PCDHGA8: variants seen among roughly 807,000 people sequenced by gnomAD.
The protein encoded by PCDHGA8 is protocadherin gamma subfamily A, 8, also known as protocadherin gamma-A8.
In PCDHGA8, 45 loss-of-function variants were observed where a neutral mutation model predicts 59.2. The ratio of observed to expected loss-of-function variants is 0.76; its 90% CI spans 0.60 to 0.98. PCDHGA8 has a LOEUF of 0.98. Ranked by LOEUF, PCDHGA8 falls within the 50% of genes least tolerant of loss-of-function variation. The pLI, the probability that PCDHGA8 is intolerant of heterozygous loss-of-function variation, is 0.00. For synonymous variants in PCDHGA8, 531 were observed against 519.0 expected (o/e 1.02, Z -0.32); for missense variants, 1,257 against 1,196.2 (o/e 1.05, Z -0.75).
At chr5:141,398,425 C>G (rs2093656331) in intron 1 of PCDHGA8, 2 of 1,519,432 alleles carry the variant, frequency 1.3e-6, no homozygotes, top group East Asian at 2.3e-5. Flanking sequence ...CGGGAAGAAG[C>G]CAGCTTGTGC....
chr5:141,394,996 C>T lies in PCDHGA8; in HGVS notation c.2183C>T (p.Ser728Phe), dbSNP rs1331251272. 1 of 1,613,916 alleles carries T rather than the reference C, an allele frequency of 6.2e-7. No homozygotes were observed. The highest frequency in any genetic ancestry group is 1.3e-5 in the African/African-American group (1 of 74,910). Residue 728 changes from serine to phenylalanine, a missense_variant, in exon 1 of 4, where the codon TCC becomes TTC. Coordinates refer to ENST00000398604, the MANE Select transcript of PCDHGA8 (RefSeq NM_032088.2). Reference sequence around the variant, plus strand: ...CACAAGTCACGCCTGCTCCAGGATTCCGGTGGCAGATTGGTAGGCGTGCCT... The same window carrying T: ...CACAAGTCACGCCTGCTCCAGGATTTCGGTGGCAGATTGGTAGGCGTGCCT... The part of the protein sequence containing the change: ...RWHKSRLLQD[S>F]GGRLVGVPAS...
rs562156266 is a variant in PCDHGA8, at chr5:141,467,826, T to C, written c.2425-26981T>C. On this transcript the variant is annotated intron_variant, in intron 1 of 3. Transcript: ENST00000398604. ...GGCACATGCCACCACACCAGGCTGA[T>C]TTTTATATTTTTTTGTAGAATGAGA... Among the ~76,000 whole-genome samples, 96 of 151,894 alleles carry C rather than the reference T, an allele frequency of 6.3e-4. 3 individuals carry two copies. Among genetic ancestry groups the C allele is most frequent in the Admixed American group, 6.2e-3 (95 of 15,236 alleles).
intron 1 of PCDHGA8, chr5:141,422,633 G>A (rs769515606): frequency 1.9e-6 from 3 of 1,613,120 alleles, no homozygotes; most frequent in Non-Finnish European, 2.5e-6. Flanking sequence ...AACCCCAGGG[G>A]TGCCTCCATC....
intron 1 of PCDHGA8, chr5:141,418,561 T>C: frequency 1.2e-6 from 2 of 1,614,006 alleles, no homozygotes; most frequent in Non-Finnish European, 1.7e-6. Context: ...TGGTAATAGA[T>C]GCCAATGACA....
chr5:141,403,403 C>G (rs755177334), intron 1 of PCDHGA8: 2 of 1,614,066 alleles, frequency 1.2e-6, no homozygotes, highest in Non-Finnish European at 1.7e-6. Context: ...TCCTGGAGCA[C>G]GTTATCCACT....
At chr5:141,478,133 G>T (rs769287158) in intron 1 of PCDHGA8, 1 of 1,614,060 alleles carries the variant, frequency 6.2e-7, no homozygotes, top group Non-Finnish European at 8.5e-7. Flanking sequence ...CTCTCCTGAA[G>T]CCCGAGCCGA....
At chr5:141,469,782 G>A (rs760985231) in intron 1 of PCDHGA8, among the ~76,000 whole-genome samples, 8 of 152,204 alleles carry the variant, frequency 5.3e-5, no homozygotes, top group African/African-American at 1.7e-4. Context: ...TTATTACAGC[G>A]TTATTTGTAA....
chr5:141,485,734 C>T lies in PCDHGA8; in HGVS notation c.2425-9073C>T. ...CACTGGATGTGAAGAAGCGCAGCGACGGCAGCCTGGTCCCAGAGCTGCTCC... is the reference window on the plus strand; with the variant it reads ...CACTGGATGTGAAGAAGCGCAGCGATGGCAGCCTGGTCCCAGAGCTGCTCC... On this transcript the variant is annotated intron_variant, in intron 1 of 3. Transcript: ENST00000398604. This position sits in a 1 kb window ranked among gnomAD's most constrained non-coding sequence, Gnocchi z 5.7. The T allele has an allele frequency of 6.2e-7, 1 of 1,614,210 alleles. No individual in the cohort carries two copies. The highest frequency in any genetic ancestry group is 8.5e-7 in the Non-Finnish European group (1 of 1,180,028).
intron 1 of PCDHGA8, among the ~76,000 whole-genome samples, chr5:141,488,938 A>T (rs1195859645): frequency 6.6e-6 from 1 of 152,154 alleles, no homozygotes; most frequent in East Asian, 1.9e-4. Context: ...AGGAAACTCC[A>T]TAATTGGTTG....
At chr5:141,502,782 T>C (rs1200280465) in intron 2 of PCDHGA8, among the ~76,000 whole-genome samples, 1 of 152,132 alleles carries the variant, frequency 6.6e-6, no homozygotes, top group African/African-American at 2.4e-5. Context: ...GAAAATTACC[T>C]GGATGATTTC....
At position 141,489,157 on chromosome 5, in the gene PCDHGA8, C is replaced by A. The variant is rs1222682069; in HGVS notation, c.2425-5650C>A. 1.0e-6 allele frequency: 1 copy of A among 984,444 alleles called. No homozygotes were observed. The highest frequency in any genetic ancestry group is 1.6e-5 in the African/African-American group (1 of 61,296). The allele number at this position is 984,444 out of a possible 1,614,324, so 61.0% of individuals were successfully genotyped here. On this transcript the variant is annotated intron_variant, in intron 1 of 3. Coordinates refer to ENST00000398604, the MANE Select transcript of PCDHGA8 (RefSeq NM_032088.2). This position sits in a 1 kb window ranked among gnomAD's most constrained non-coding sequence, Gnocchi z 4.5. ...AGAGGCTGGAAGGAGACATAAGAGA[C>A]TTCAGCTGCTGCATTCCAAGCCCTG...
chr5:141,451,212 G>A (rs2098710632), intron 1 of PCDHGA8, among the ~76,000 whole-genome samples: 1 of 152,156 alleles, frequency 6.6e-6, no homozygotes, highest in Non-Finnish European at 1.5e-5. Context: ...AAACTTAGTG[G>A]CTTAAAAGAA....
intron 1 of PCDHGA8, among the ~76,000 whole-genome samples, chr5:141,407,680 C>A (rs2094967585): frequency 6.6e-6 from 1 of 151,942 alleles, no homozygotes; most frequent in Non-Finnish European, 1.5e-5. Flanking sequence ...CAAAGATTGG[C>A]TTTGTGGTGA....
chr5:141,489,546 C>T lies in PCDHGA8; in HGVS notation c.2425-5261C>T, dbSNP rs1404605129. ...GCCTATGTGGAGCCAGCACCAGCTGCCTGCTGCCAGTGCAGGTGGTGACTG... is the reference window on the plus strand; with the variant it reads ...GCCTATGTGGAGCCAGCACCAGCTGTCTGCTGCCAGTGCAGGTGGTGACTG... On this transcript the variant is annotated intron_variant, in intron 1 of 3. Coordinates refer to ENST00000398604, the MANE Select transcript of PCDHGA8 (RefSeq NM_032088.2). The surrounding 1 kb of genome is among the most constrained non-coding windows in gnomAD (Gnocchi z 4.5). 2 of 1,614,076 alleles carry T rather than the reference C, an allele frequency of 1.2e-6. No homozygotes were observed. The highest frequency in any genetic ancestry group is 2.2e-5 in the East Asian group (1 of 44,868).
intron 1 of PCDHGA8, among the ~76,000 whole-genome samples, chr5:141,434,860 A>G (rs2097723622): frequency 6.6e-6 from 1 of 151,982 alleles, no homozygotes; most frequent in African/African-American, 2.4e-5. Flanking sequence ...ATAAATTTAT[A>G]TATATGTGAC....
At chr5:141,399,473 A>G (rs2093815825) in intron 1 of PCDHGA8, 2 of 1,613,996 alleles carry the variant, frequency 1.2e-6, no homozygotes, top group Non-Finnish European at 1.7e-6. Context: ...CCGGTTTTCC[A>G]CCAGGCGTCC....
rs774487660 is a variant in PCDHGA8, at chr5:141,404,806, G to C, written c.2424+9569G>C. 6 of 1,613,874 alleles carry C rather than the reference G, an allele frequency of 3.7e-6. No individual in the cohort carries two copies. In the South Asian group the frequency reaches 5.5e-5, roughly 15 times the overall value. On this transcript the variant is annotated intron_variant, in intron 1 of 3. Transcript: ENST00000398604. ...AGGCCAGTGAGCCAGGGCTCTTCTCGGTGGGGCTGCACACAGGTGAAGTGC... is the reference window on the plus strand; with the variant it reads ...AGGCCAGTGAGCCAGGGCTCTTCTCCGTGGGGCTGCACACAGGTGAAGTGC...
intron 1 of PCDHGA8, among the ~76,000 whole-genome samples, chr5:141,472,742 T>C (rs926507203): frequency 2.0e-5 from 3 of 151,762 alleles, no homozygotes; most frequent in Non-Finnish European, 4.4e-5. Flanking sequence ...TCCCAGCACT[T>C]TGGGAGGCGG....
At position 141,479,006 on chromosome 5, in the gene PCDHGA8, T is replaced by C. The variant is rs148063283; in HGVS notation, c.2425-15801T>C. On this transcript the variant is annotated intron_variant, in intron 1 of 3. Transcript: ENST00000398604. ...ACATTTGTATTAAAACTAATAGCTT[T>C]TTGATAATTTTCCTTTGTTTATACA... Among the ~76,000 whole-genome samples the C allele has an allele frequency of 1.2e-3, 179 of 152,340 alleles. 2 individuals are homozygous for C. The highest frequency in any genetic ancestry group is 0.011 in the Admixed American group (170 of 15,300).
Sources: gnomAD v4.1 joint callset for allele counts (sites outside exome capture counted in the v4.1 genomes callset) on GRCh38, gnomAD v4.1.1 for gene constraint, Gnocchi (gnomAD v3.1) non-coding constraint, MANE v1.5 for transcripts, NCBI Gene and HGNC (gene_info 2026-07-23, HGNC 2026-07-21) for gene names.